ADGRF5: variants seen among roughly 807,000 people sequenced by gnomAD.
The protein encoded by ADGRF5 is G-protein coupled receptor 116.
A neutral mutation model predicts 132.3 loss-of-function variants in ADGRF5; 75 were observed. The observed-to-expected ratio is 0.57, with a 90% CI of 0.47 to 0.69. ADGRF5 has a LOEUF of 0.69. ADGRF5 is among the 30% of genes least tolerant of loss of function. The pLI is 0.00. For missense variants in ADGRF5, 1,516 were observed against 1,630.6 expected (o/e 0.93, Z 1.21); for synonymous variants, 629 against 597.6 (o/e 1.05, Z -0.77).
intron 1 of ADGRF5, among the ~76,000 whole-genome samples, chr6:46,936,931 C>T (rs1050776297): frequency 6.6e-6 from 1 of 152,160 alleles, no homozygotes; most frequent in South Asian, 2.1e-4. Flanking sequence ...CTGGGGGATC[C>T]CCCTCTCCCA....
chr6:46,884,001 C>G, intron 5 of ADGRF5, 94 bp downstream of exon 5: 1 of 1,031,596 alleles, frequency 9.7e-7, no homozygotes, highest in Non-Finnish European at 1.5e-6. Flanking sequence ...ATCGGACTAT[C>G]AAAGTGCTGG....
At chr6:46,889,560 G>T (rs1773424097) in intron 3 of ADGRF5, among the ~76,000 whole-genome samples, 3 of 78,658 alleles carry the variant, frequency 3.8e-5, no homozygotes, top group Non-Finnish European at 6.3e-5. Context: ...ATATGTGTGT[G>T]TGTGTGTGTA....
chr6:46,928,306 TC>T (rs1252850679), intron 1 of ADGRF5, among the ~76,000 whole-genome samples: 1 of 152,182 alleles, frequency 6.6e-6, no homozygotes, highest in African/African-American at 2.4e-5. Flanking sequence ...TCTGTGTGGC[TC>T]TAGGTTGGTG....
chr6:46,900,474 C>T (rs1774638962), intron 2 of ADGRF5, among the ~76,000 whole-genome samples: 2 of 152,200 alleles, frequency 1.3e-5, no homozygotes, highest in African/African-American at 4.8e-5. Context: ...CTCACGACCT[C>T]CTTCTCAACA....
In ADGRF5 at chr6:46,868,871, C is replaced by T. The variant is rs911218915; in HGVS notation, c.1621+12G>A. ...CCAGGCAGCACAATACGGTGTCCGGCCTTTCACTCACCATTCCACTCCCTG... is the reference window on the plus strand; with the variant it reads ...CCAGGCAGCACAATACGGTGTCCGGTCTTTCACTCACCATTCCACTCCCTG... On this transcript the variant is annotated intron_variant, in intron 12 of 20. Coordinates refer to ENST00000283296, the MANE Select transcript of ADGRF5 (RefSeq NM_001098518.2). 1 of 1,566,242 alleles carries T rather than the reference C, an allele frequency of 6.4e-7. No homozygotes were observed. The highest frequency in any genetic ancestry group is 8.8e-7 in the Non-Finnish European group (1 of 1,137,898).
intron 1 of ADGRF5, among the ~76,000 whole-genome samples, chr6:46,908,547 G>A (rs193286086): frequency 3.7e-4 from 57 of 152,236 alleles, no homozygotes; most frequent in African/African-American, 1.3e-3. Context: ...ATCTTTCTAC[G>A]ATTTCCCAGT....
intron 3 of ADGRF5, among the ~76,000 whole-genome samples, chr6:46,891,935 A>G (rs1487742066): frequency 6.6e-6 from 1 of 152,136 alleles, no homozygotes. Flanking sequence ...AGAGTTTCAG[A>G]ATCACCCTCA....
At chr6:46,889,299 GTATA>G (rs202102075) in intron 3 of ADGRF5, among the ~76,000 whole-genome samples, 2,961 of 144,256 alleles carry the variant, frequency 0.021, 46 homozygotes, top group South Asian at 0.042. Context: ...ATATAGTACA[GTATA>G]TATAGTATAG....
chr6:46,925,370 C>G (rs540690165), upstream of ADGRF5, among the ~76,000 whole-genome samples: 2 of 152,334 alleles, frequency 1.3e-5, no homozygotes, highest in Non-Finnish European at 2.9e-5. Flanking sequence ...CCACATCCCC[C>G]CTACTTGCTT....
At chr6:46,883,361 T>C (rs1772696948) in intron 6 of ADGRF5, among the ~76,000 whole-genome samples, 198 bp downstream of exon 6, 1 of 152,216 alleles carries the variant, frequency 6.6e-6, no homozygotes, top group African/African-American at 2.4e-5. Flanking sequence ...TTTATGCTTA[T>C]AGGTCAAGGT....
rs774117062 is a variant in ADGRF5 at position 46,881,609 on chromosome 6, C to A, written c.672-12G>T. On this transcript the variant is annotated splice_polypyrimidine_tract_variant and intron_variant, in intron 7 of 20. Transcript: ENST00000283296. ...CCACACTTCCAGACCTGGACAGAGA[C>A]CACTCAGTTCAGTAAAACAATAACT... The A allele has an allele frequency of 2.5e-6, 4 of 1,611,260 alleles. No individual in the cohort carries two copies. Among genetic ancestry groups the A allele is most frequent in the Non-Finnish European group, 3.4e-6 (4 of 1,178,292 alleles).
At chr6:46,880,129 G>A (rs1772288894) in intron 8 of ADGRF5, 90 bp from the exon 9 acceptor site, 2 of 875,372 alleles carry the variant, frequency 2.3e-6, no homozygotes, top group Admixed American at 2.0e-5. Flanking sequence ...AAGGCTCTTG[G>A]AGATCTTGAC....
intron 5 of ADGRF5, among the ~76,000 whole-genome samples, 200 bp from the exon 6 acceptor site, chr6:46,883,865 C>T (rs1772766303): frequency 6.6e-6 from 1 of 152,192 alleles, no homozygotes; most frequent in African/African-American, 2.4e-5. Flanking sequence ...CCTCACCCTC[C>T]CGAGTAGCTG....
At chr6:46,889,659 T>A (rs1191026636) in intron 3 of ADGRF5, among the ~76,000 whole-genome samples, 1 of 147,216 alleles carries the variant, frequency 6.8e-6, no homozygotes. Flanking sequence ...GTAGTCTATA[T>A]TGACTACTAT....
upstream of ADGRF5, among the ~76,000 whole-genome samples, chr6:46,923,536 G>A (rs1015566075): frequency 5.9e-5 from 9 of 152,184 alleles, no homozygotes; most frequent in African/African-American, 1.9e-4. Flanking sequence ...TAGTCTACAC[G>A]TTAGATTGGA....
chr6:46,941,097 G>T (rs185069768), intron 1 of ADGRF5, among the ~76,000 whole-genome samples: 2 of 152,100 alleles, frequency 1.3e-5, no homozygotes, highest in Non-Finnish European at 2.9e-5. Context: ...CACTTTGGAA[G>T]ATCAAGGTGG....
At chr6:46,933,526 G>A (rs552575579) in intron 1 of ADGRF5, among the ~76,000 whole-genome samples, 1 of 152,136 alleles carries the variant, frequency 6.6e-6, no homozygotes, top group Non-Finnish European at 1.5e-5. Flanking sequence ...GAGATGGACC[G>A]ACCTAGTTGG....
rs1338899894 is a variant in ADGRF5, at chr6:46,884,139, A to G, written c.461T>C (p.Leu154Pro). The change falls in exon 5 of 21, where the codon CTT becomes CCT. Residue 154 changes from leucine to proline, a missense_variant. Around this residue, in one of 2 missense-constraint regions of ADGRF5, gnomAD observed 945 missense variants for 929.4 expected, o/e 1.02. Coordinates refer to ENST00000283296, the MANE Select transcript of ADGRF5 (RefSeq NM_001098518.2). Reference protein sequence around the residue: ...VFLPGHHCSCLKELPPNGPFC... With the variant: ...VFLPGHHCSCPKELPPNGPFC... ...AGGTCCATTGGGAGGCAGTTCTTTA[A>G]GGCAACTGCAATGGTGCCCTGGGAG... The G allele has an allele frequency of 6.2e-7, 1 of 1,614,052 alleles. No individual in the cohort carries two copies. The highest frequency in any genetic ancestry group is 1.3e-5 in the African/African-American group (1 of 74,934).
rs1426852654 is a variant in ADGRF5, at chr6:46,860,711, T to G, written c.2379+4A>C. The G allele has an allele frequency of 6.2e-7, 1 of 1,608,746 alleles. No homozygotes were observed. ...AAACTCCTGCAAAGGTTAAGCAAAC[T>G]CACCGTCATCATTTCTGAATTTACT... is the stretch of plus-strand genomic sequence containing the variant. On this transcript the variant is annotated splice_donor_region_variant and intron_variant, in intron 16 of 20. Coordinates refer to ENST00000283296, the MANE Select transcript of ADGRF5 (RefSeq NM_001098518.2).
Sources: gnomAD v4.1 joint callset for allele counts (sites outside exome capture counted in the v4.1 genomes callset) on GRCh38, gnomAD v4.1.1 for gene constraint, gnomAD v4.1.1 regional missense constraint, MANE v1.5 for transcripts, NCBI Gene and HGNC (gene_info 2026-07-23, HGNC 2026-07-21) for gene names.